The following PHACTR3 variants were observed in gnomAD, a reference collection of about 807,000 sequenced individuals.
PHACTR3 encodes protein phosphatase 1, regulatory subunit 123.
Under a neutral mutation model 66.8 loss-of-function variants are expected in PHACTR3, and 16 were observed. The observed-to-expected ratio is 0.24, with a 90% CI of 0.16 to 0.36. PHACTR3 has a LOEUF of 0.36. Among genes scored for constraint, PHACTR3 ranks in the 10% least tolerant of loss-of-function variants. The pLI, the probability that PHACTR3 is intolerant of heterozygous loss-of-function variation, is 1.00. For synonymous variants in PHACTR3, 323 were observed against 292.1 expected, an observed-to-expected ratio of 1.11 and a Z score of -1.08; for missense variants, 647 against 719.9, an observed-to-expected ratio of 0.90 and a Z score of 1.16.
At chr20:59,723,150 A>G (rs2038411750) in intron 1 of PHACTR3, among the ~76,000 whole-genome samples, 1 of 139,748 alleles carries the variant, frequency 7.2e-6, no homozygotes, top group Non-Finnish European at 1.5e-5. Context: ...TTCACATATT[A>G]TACAATTCAC....
chr20:59,611,264 C>A (rs1172097986), intron 1 of PHACTR3, among the ~76,000 whole-genome samples: 2 of 152,224 alleles, frequency 1.3e-5, no homozygotes, highest in Non-Finnish European at 2.9e-5. Flanking sequence ...TGAGACACAG[C>A]TTTAGGAGGC....
chr20:59,598,718 G>C (rs1226268073), intron 1 of PHACTR3, among the ~76,000 whole-genome samples: 2 of 152,190 alleles, frequency 1.3e-5, no homozygotes, highest in Non-Finnish European at 2.9e-5. Flanking sequence ...AGTCCCTCAG[G>C]GATGTGGTCA....
At chr20:59,828,144 G>A (rs1297472039) in intron 8 of PHACTR3, among the ~76,000 whole-genome samples, 2 of 152,226 alleles carry the variant, frequency 1.3e-5, no homozygotes, top group African/African-American at 4.8e-5. Context: ...AGTGCATTGT[G>A]GACACACACA....
At chr20:59,826,728 T>C (rs1478684674) in intron 8 of PHACTR3, among the ~76,000 whole-genome samples, 1 of 152,166 alleles carries the variant, frequency 6.6e-6, no homozygotes, top group Non-Finnish European at 1.5e-5. Context: ...TCTGCTTCCC[T>C]CTCTCACGTC....
chr20:59,825,890 T>C (rs2042177638), intron 8 of PHACTR3, among the ~76,000 whole-genome samples: 1 of 152,148 alleles, frequency 6.6e-6, no homozygotes, highest in South Asian at 2.1e-4. Flanking sequence ...GAGGGTGCAG[T>C]GCTCTTGAGC....
chr20:59,780,423 G>A (rs955162473), intron 7 of PHACTR3, among the ~76,000 whole-genome samples: 2 of 152,176 alleles, frequency 1.3e-5, no homozygotes, highest in Non-Finnish European at 2.9e-5. Context: ...GTTCTGACAC[G>A]TGGGGTTTGG....
chr20:59,809,252 A>G (rs1461039039), intron 8 of PHACTR3, among the ~76,000 whole-genome samples: 1 of 151,790 alleles, frequency 6.6e-6, no homozygotes, highest in Non-Finnish European at 1.5e-5. Context: ...ACGAGGTCCT[A>G]CCCTTCCAGG....
intron 7 of PHACTR3, among the ~76,000 whole-genome samples, chr20:59,788,119 C>G (rs934275040): frequency 7.9e-5 from 12 of 152,158 alleles, no homozygotes; most frequent in African/African-American, 2.9e-4. Flanking sequence ...ACTCTTCTCC[C>G]CAAGACCCCA....
At chr20:59,642,030 A>T (rs1315411889) in intron 1 of PHACTR3, among the ~76,000 whole-genome samples, 1 of 152,182 alleles carries the variant, frequency 6.6e-6, no homozygotes, top group African/African-American at 2.4e-5. Context: ...GAGGGTGCAG[A>T]CAACATCTCT....
Position 59,836,263 on chromosome 20 carries a change from G to A in PHACTR3, c.1329-242G>A. On this transcript the variant is annotated intron_variant, in intron 8 of 12. Coordinates refer to ENST00000371015, the MANE Select transcript of PHACTR3 (RefSeq NM_080672.5). ...ATCAGAAAAATGAAGACCTGCACAT[G>A]TGGAGCTGGAGCAAGGACTAGTCTA... 1.0e-5 allele frequency: 5 copies of A among 487,024 alleles called. No individual in the cohort carries two copies. In the South Asian group the frequency reaches 1.5e-4, roughly 15 times the overall value. The allele number at this position is 487,024 out of a possible 1,614,324, so 30.2% of individuals were successfully genotyped here.
At chr20:59,686,057 C>G (rs563145864) in intron 1 of PHACTR3, among the ~76,000 whole-genome samples, 3 of 152,322 alleles carry the variant, frequency 2.0e-5, no homozygotes, top group South Asian at 2.1e-4. Flanking sequence ...GGCTACCCCC[C>G]CCATACCTAA....
At chr20:59,742,955 A>T in intron 1 of PHACTR3, 152 bp from the exon 2 acceptor site, 1 of 830,952 alleles carries the variant, frequency 1.2e-6, no homozygotes, top group Non-Finnish European at 1.9e-6. Context: ...TGCTGCGGCC[A>T]CTGTGGGTGC....
At chr20:59,763,603 G>A (rs2040077241) in intron 4 of PHACTR3, among the ~76,000 whole-genome samples, 1 of 152,250 alleles carries the variant, frequency 6.6e-6, no homozygotes, top group African/African-American at 2.4e-5. Context: ...GGTAACATAT[G>A]AGTCTGGAGC....
At chr20:59,718,003 G>A (rs1232301887) in intron 1 of PHACTR3, among the ~76,000 whole-genome samples, 1 of 152,242 alleles carries the variant, frequency 6.6e-6, no homozygotes, top group Non-Finnish European at 1.5e-5. Context: ...CAAGTGGAAG[G>A]AAGCTTGGGT....
intron 1 of PHACTR3, among the ~76,000 whole-genome samples, chr20:59,661,622 C>G (rs984881511): frequency 6.6e-6 from 1 of 152,180 alleles, no homozygotes; most frequent in Admixed American, 6.5e-5. Flanking sequence ...TTGGCCAGGT[C>G]CTCTTAAACA....
At chr20:59,806,642 T>TC (rs1335264612) in intron 8 of PHACTR3, among the ~76,000 whole-genome samples, 2 of 152,188 alleles carry the variant, frequency 1.3e-5, no homozygotes, top group African/African-American at 2.4e-5. Context: ...TCTAAATTTG[T>TC]CAAGTAAAGC....
chr20:59,733,330 C>T (rs6092818), intron 1 of PHACTR3, among the ~76,000 whole-genome samples: 35,233 of 151,984 alleles, frequency 0.23, 5,642 homozygotes, highest in African/African-American at 0.45. Flanking sequence ...AAATCTATTT[C>T]TAAAACTTGA....
intron 2 of PHACTR3, 57 bp from the exon 3 acceptor site, chr20:59,747,701 A>T: frequency 6.3e-7 from 1 of 1,586,018 alleles, no homozygotes; most frequent in Non-Finnish European, 8.6e-7. Context: ...TGTGGCTTGG[A>T]CAGGGCCCAG....
chr20:59,779,615 C>T (rs779846852), intron 7 of PHACTR3, among the ~76,000 whole-genome samples: 1 of 152,258 alleles, frequency 6.6e-6, no homozygotes, highest in Admixed American at 6.5e-5. Flanking sequence ...CTCCCTCTCT[C>T]CCTCTCTTTC....
Sources: gnomAD v4.1 joint callset for allele counts (sites outside exome capture counted in the v4.1 genomes callset) on GRCh38, gnomAD v4.1.1 for gene constraint, MANE v1.5 for transcripts, NCBI Gene and HGNC (gene_info 2026-07-23, HGNC 2026-07-21) for gene names.